Variants in SLC25A13 observed in about 807,000 individuals in gnomAD.
SLC25A13 encodes solute carrier family 25 member 13.
In SLC25A13, 70 loss-of-function variants were observed where a neutral mutation model predicts 85.5. The observed-to-expected ratio is 0.82, with a 90% CI of 0.68 to 1.00. SLC25A13 has a LOEUF of 1.00. Among genes scored for constraint, SLC25A13 ranks in the 50% least tolerant of loss-of-function variants. SLC25A13 has a pLI of 0.00. For missense variants in SLC25A13, 765 were observed against 819.8 expected (o/e 0.93, Z 0.82); for synonymous variants, 259 against 288.7 (o/e 0.90, Z 1.04).
chr7:96,317,607 A>G (rs530925740), intron 1 of SLC25A13, among the ~76,000 whole-genome samples: 1 of 151,666 alleles, frequency 6.6e-6, no homozygotes, highest in African/African-American at 2.4e-5. Context: ...AATACTAGCA[A>G]TTTTCAGAAG....
At chr7:96,311,302 C>G (rs1799939690) in intron 1 of SLC25A13, among the ~76,000 whole-genome samples, 1 of 152,092 alleles carries the variant, frequency 6.6e-6, no homozygotes, top group Non-Finnish European at 1.5e-5. Flanking sequence ...ATGTGAGTAC[C>G]CAGTACCAAG....
chr7:96,166,081 C>T (rs1369482739), intron 13 of SLC25A13, among the ~76,000 whole-genome samples: 6 of 152,180 alleles, frequency 3.9e-5, no homozygotes, highest in Non-Finnish European at 5.9e-5. Flanking sequence ...ACTCTTCATT[C>T]CATGTTTTCC....
chr7:96,215,231 T>C (rs1400932584), intron 4 of SLC25A13, among the ~76,000 whole-genome samples: 2 of 152,208 alleles, frequency 1.3e-5, no homozygotes, highest in African/African-American at 4.8e-5. Flanking sequence ...CCTGAGTACC[T>C]GGGATTACAG....
chr7:96,309,726 C>G (rs1799882899), intron 1 of SLC25A13: 1 of 152,170 alleles, frequency 6.6e-6, no homozygotes, highest in Non-Finnish European at 1.5e-5. Flanking sequence ...CAGCAAAGAT[C>G]ACTTCCCTTC....
At chr7:96,154,550 G>GC (rs1426797795) in intron 13 of SLC25A13, among the ~76,000 whole-genome samples, 4 of 152,122 alleles carry the variant, frequency 2.6e-5, no homozygotes, top group Admixed American at 2.6e-4. Flanking sequence ...GCCTGCCTCA[G>GC]CCCCCCAGAG....
intron 15 of SLC25A13, among the ~76,000 whole-genome samples, chr7:96,131,241 T>G (rs1792017713): frequency 6.6e-6 from 1 of 152,246 alleles, no homozygotes; most frequent in Non-Finnish European, 1.5e-5. Flanking sequence ...ATCTGTGATT[T>G]AATTACCACC....
intron 13 of SLC25A13, among the ~76,000 whole-genome samples, chr7:96,167,358 T>G (rs1793797013): frequency 6.6e-6 from 1 of 152,158 alleles, no homozygotes; most frequent in Non-Finnish European, 1.5e-5. Context: ...ACAATCATTT[T>G]TTCCCCTCCA....
chr7:96,272,556 AG>A (rs901638839), intron 3 of SLC25A13, among the ~76,000 whole-genome samples: 1 of 152,208 alleles, frequency 6.6e-6, no homozygotes, highest in Non-Finnish European at 1.5e-5. Flanking sequence ...GGTCAAAGGC[AG>A]GAACGGTCCA....
chr7:96,174,885 A>C (rs144956630), intron 11 of SLC25A13, among the ~76,000 whole-genome samples: 20 of 152,312 alleles, frequency 1.3e-4, no homozygotes, highest in African/African-American at 4.3e-4. Flanking sequence ...AGAAGGCAAC[A>C]AGTAGCTATT....
intron 14 of SLC25A13, among the ~76,000 whole-genome samples, chr7:96,143,593 T>G (rs73708479): frequency 0.011 from 1,741 of 152,322 alleles, 35 homozygotes; most frequent in African/African-American, 0.04. Flanking sequence ...TTTATTTACA[T>G]TGTTTACTAT....
intron 4 of SLC25A13, among the ~76,000 whole-genome samples, chr7:96,225,268 T>A (rs1056038006): frequency 6.6e-6 from 1 of 152,118 alleles, no homozygotes. Flanking sequence ...AACAGCCCAG[T>A]GTGCAGTGGC....
chr7:96,140,998 G>T (rs926095435), intron 14 of SLC25A13, among the ~76,000 whole-genome samples: 6 of 147,374 alleles, frequency 4.1e-5, no homozygotes, highest in African/African-American at 1.2e-4. Context: ...TTAATTTTGC[G>T]CATTCCTTTC....
rs1798043793 is a variant in SLC25A13 at position 96,266,361 on chromosome 7, A to C, written c.212+10835T>G. The stretch of plus-strand genomic sequence containing the variant: ...TCTTTCCTTTCTCTCCTACATTGTC[A>C]ATCTTATCTACTCTCAAGTGAGTCT... On this transcript the variant is annotated intron_variant, in intron 3 of 17. Coordinates refer to ENST00000265631, the MANE Select transcript of SLC25A13 (RefSeq NM_014251.3). Among the ~76,000 whole-genome samples the C allele has an allele frequency of 2.0e-5, 3 of 152,260 alleles. No homozygotes were observed. The South Asian group carries it at 6.2e-4, about 32-fold the overall frequency.
intron 1 of SLC25A13, among the ~76,000 whole-genome samples, chr7:96,311,458 T>A (rs73710278): frequency 0.012 from 1,873 of 152,170 alleles, 38 homozygotes; most frequent in African/African-American, 0.043. Flanking sequence ...AAAGACGTAA[T>A]CAGCAAAGTC....
intron 1 of SLC25A13, among the ~76,000 whole-genome samples, chr7:96,304,427 A>C (rs1316779703): frequency 1.3e-5 from 2 of 152,232 alleles, no homozygotes; most frequent in Non-Finnish European, 2.9e-5. Flanking sequence ...TCTGTTGTAG[A>C]ACATAAACTA....
intron 4 of SLC25A13, among the ~76,000 whole-genome samples, chr7:96,234,495 G>T (rs1796670794): frequency 6.6e-6 from 1 of 152,142 alleles, no homozygotes; most frequent in African/African-American, 2.4e-5. Context: ...TACTGATGAT[G>T]CAGGGAAGAA....
intron 8 of SLC25A13, 74 bp downstream of exon 8, chr7:96,189,507 C>A: frequency 1.3e-6 from 2 of 1,543,670 alleles, no homozygotes; most frequent in South Asian, 2.2e-5. Context: ...TTCTTTTTCT[C>A]CTGATTGCTG....
At chr7:96,306,291 T>C (rs1374178574) in intron 1 of SLC25A13, among the ~76,000 whole-genome samples, 1 of 152,222 alleles carries the variant, frequency 6.6e-6, no homozygotes, top group Non-Finnish European at 1.5e-5. Flanking sequence ...GAGTCTGATT[T>C]CTGAGCATCC....
At chr7:96,197,317 C>T (rs1055576550) in intron 5 of SLC25A13, among the ~76,000 whole-genome samples, 7 of 152,150 alleles carry the variant, frequency 4.6e-5, no homozygotes, top group African/African-American at 1.7e-4. Context: ...TCCATTAAGG[C>T]AAAGGGCTTC....
Sources: allele counts gnomAD v4.1 joint callset (sites outside exome capture counted in the v4.1 genomes callset), GRCh38; gene constraint gnomAD v4.1.1; transcripts MANE v1.5; gene names NCBI Gene and HGNC (gene_info 2026-07-23, HGNC 2026-07-21).